ROBO1: variants seen among roughly 807,000 people sequenced by gnomAD.
ROBO1 encodes the protein roundabout homolog 1.
ROBO1 carries 149 observed loss-of-function variants against 195.9 expected under a neutral mutation model. That is an observed-to-expected ratio of 0.76 (90% CI 0.67 to 0.87). ROBO1 has a LOEUF of 0.87. ROBO1 is among the 40% of genes least tolerant of loss of function. The pLI, the probability that ROBO1 is intolerant of heterozygous loss-of-function variation, is 0.00. For missense variants in ROBO1, 1,933 were observed against 2,068.3 expected (o/e 0.93, Z 1.27); for synonymous variants, 816 against 733.2 (o/e 1.11, Z -1.82).
At chr3:78,806,516 A>G (rs2084545129) in intron 4 of ROBO1, among the ~76,000 whole-genome samples, 2 of 152,142 alleles carry the variant, frequency 1.3e-5, no homozygotes, top group African/African-American at 4.8e-5. Context: ...AAAAGTAATG[A>G]GTGTGGACGT....
intron 3 of ROBO1, among the ~76,000 whole-genome samples, chr3:78,943,607 C>A (rs2040257997): frequency 6.6e-6 from 1 of 152,200 alleles, no homozygotes; most frequent in African/African-American, 2.4e-5. Flanking sequence ...TCTGCTAAGG[C>A]ATACTATGAT....
intron 2 of ROBO1, among the ~76,000 whole-genome samples, chr3:79,538,631 TAA>T (rs1218247126): frequency 3.8e-4 from 58 of 152,140 alleles, no homozygotes; most frequent in Admixed American, 8.5e-4. Context: ...ATGGTATTAC[TAA>T]ATGTTTATTT....
intron 2 of ROBO1, among the ~76,000 whole-genome samples, chr3:79,165,900 G>C (rs181195480): frequency 3.9e-5 from 6 of 152,228 alleles, no homozygotes; most frequent in African/African-American, 1.4e-4. Context: ...GATAATGTGA[G>C]TGGGCCTGAT....
chr3:79,397,770 C>G (rs1046895759), intron 2 of ROBO1, among the ~76,000 whole-genome samples: 1 of 152,146 alleles, frequency 6.6e-6, no homozygotes, highest in African/African-American at 2.4e-5. Flanking sequence ...CAAAGGCTCG[C>G]TAGTTAAATC....
chr3:78,617,365 A>C (rs1022241399), intron 27 of ROBO1, among the ~76,000 whole-genome samples: 2 of 152,176 alleles, frequency 1.3e-5, no homozygotes, highest in African/African-American at 4.8e-5. Flanking sequence ...GGCTATCCTA[A>C]AAAATGAGGT....
intron 2 of ROBO1, among the ~76,000 whole-genome samples, chr3:79,315,701 C>G (rs540559119): frequency 6.6e-6 from 1 of 152,206 alleles, no homozygotes; most frequent in Non-Finnish European, 1.5e-5. Flanking sequence ...AAGTATCTAC[C>G]AGACTGCAAG....
intron 5 of ROBO1, among the ~76,000 whole-genome samples, chr3:78,743,694 A>T (rs765251719): frequency 6.6e-6 from 1 of 152,158 alleles, no homozygotes; most frequent in Non-Finnish European, 1.5e-5. Flanking sequence ...TGTGGGGTAG[A>T]AAGTTCTACA....
At chr3:78,759,451 T>C (rs902237741) in intron 4 of ROBO1, 4 of 152,052 alleles carry the variant, frequency 2.6e-5, no homozygotes, top group Admixed American at 2.6e-4. Context: ...AAAGGTTCTA[T>C]TTTACAGCAT....
chr3:79,652,427 C>G (rs983107079), intron 1 of ROBO1, among the ~76,000 whole-genome samples: 1 of 152,064 alleles, frequency 6.6e-6, no homozygotes, highest in Non-Finnish European at 1.5e-5. Flanking sequence ...AATATTATGG[C>G]ACCTAGAAGA....
chr3:79,745,613 G>C (rs537401698), intron 1 of ROBO1, among the ~76,000 whole-genome samples: 12 of 152,208 alleles, frequency 7.9e-5, no homozygotes, highest in African/African-American at 2.6e-4. Context: ...TTCAAAATGG[G>C]TGTGATAATA....
intron 3 of ROBO1, among the ~76,000 whole-genome samples, chr3:78,983,234 A>C (rs1263544401): frequency 6.6e-6 from 1 of 152,214 alleles, no homozygotes; most frequent in Non-Finnish European, 1.5e-5. Flanking sequence ...ATTAGAGCTA[A>C]ATGTCTGAGA....
intron 2 of ROBO1, among the ~76,000 whole-genome samples, chr3:79,127,635 T>C (rs2080241139): frequency 1.3e-5 from 2 of 152,176 alleles, no homozygotes; most frequent in Admixed American, 6.5e-5. Context: ...TACAAGACTT[T>C]TGGGATGAGG....
At chr3:78,863,767 G>A (rs1349857382) in intron 4 of ROBO1, among the ~76,000 whole-genome samples, 1 of 152,166 alleles carries the variant, frequency 6.6e-6, no homozygotes, top group Non-Finnish European at 1.5e-5. Context: ...GCATTGCACT[G>A]CAAGCTATTT....
intron 3 of ROBO1, among the ~76,000 whole-genome samples, chr3:79,067,065 A>T (rs950386347): frequency 6.6e-6 from 1 of 151,988 alleles, no homozygotes; most frequent in African/African-American, 2.4e-5. Context: ...GTGAATTACA[A>T]GTCTTTCATA....
At chr3:78,942,829 C>T (rs2040210754) in intron 3 of ROBO1, among the ~76,000 whole-genome samples, 1 of 152,110 alleles carries the variant, frequency 6.6e-6, no homozygotes, top group Admixed American at 6.5e-5. Flanking sequence ...ATCACTTGAG[C>T]CCATGAGGCT....
intron 3 of ROBO1, among the ~76,000 whole-genome samples, chr3:79,071,817 T>A (rs2079096596): frequency 6.6e-6 from 1 of 151,292 alleles, no homozygotes. Flanking sequence ...GGCAGAGTAT[T>A]TTTTTTTGGT....
intron 4 of ROBO1, among the ~76,000 whole-genome samples, chr3:78,934,152 G>A (rs974878753): frequency 1.3e-5 from 2 of 151,938 alleles, no homozygotes; most frequent in African/African-American, 4.8e-5. Context: ...CATAATGGAA[G>A]TAAAGAGAAA....
intron 2 of ROBO1, among the ~76,000 whole-genome samples, chr3:79,215,933 T>C (rs2082048392): frequency 6.6e-6 from 1 of 152,108 alleles, no homozygotes; most frequent in African/African-American, 2.4e-5. Flanking sequence ...GAAAGTGCTG[T>C]TTTGGATGTT....
At chr3:79,424,816 G>A (rs1373636709) in intron 2 of ROBO1, among the ~76,000 whole-genome samples, 1 of 152,126 alleles carries the variant, frequency 6.6e-6, no homozygotes, top group Non-Finnish European at 1.5e-5. Context: ...CGTTGGGCCA[G>A]TTAGATATTA....
Sources: allele counts gnomAD v4.1 joint callset (sites outside exome capture counted in the v4.1 genomes callset), GRCh38; gene constraint gnomAD v4.1.1; transcripts MANE v1.5; gene names NCBI Gene and HGNC (gene_info 2026-07-23, HGNC 2026-07-21).